The following FXYD6 variants were observed in gnomAD, a reference collection of about 807,000 sequenced individuals.
FXYD6 encodes the protein FXYD domain containing ion transport regulator 6, also known as FXYD domain-containing ion transport regulator 6.
FXYD6 carries 7 observed loss-of-function variants against 16.7 expected under a neutral mutation model. That is an observed-to-expected ratio of 0.42 (90% confidence interval 0.24 to 0.79). The LOEUF is 0.79. Ranked by LOEUF, FXYD6 falls within the 30% of genes least tolerant of loss-of-function variation. FXYD6 has a pLI of 0.28. For synonymous variants in FXYD6, 49 were observed against 43.0 expected, an observed-to-expected ratio of 1.14 and a Z score of -0.54; for missense variants, 111 against 116.2, an observed-to-expected ratio of 0.95 and a Z score of 0.21.
At chr11:117,860,219 C>G (rs2134184635) in intron 1 of FXYD6, among the ~76,000 whole-genome samples, 1 of 152,214 alleles carries the variant, frequency 6.6e-6, no homozygotes, top group Non-Finnish European at 1.5e-5. Flanking sequence ...CCCTTGGGCC[C>G]CACCTCACAG....
At chr11:117,873,609 C>T (rs763239715) in intron 1 of FXYD6, among the ~76,000 whole-genome samples, 1 of 152,218 alleles carries the variant, frequency 6.6e-6, no homozygotes, top group Non-Finnish European at 1.5e-5. Flanking sequence ...TGGTTTGCTT[C>T]CCTTAGGGTG....
chr11:117,865,538 A>G, intron 1 of FXYD6, among the ~76,000 whole-genome samples: 1 of 152,214 alleles, frequency 6.6e-6, no homozygotes, highest in Non-Finnish European at 1.5e-5. Flanking sequence ...CAACCTTAAA[A>G]AGGAAGGAAA....
chr11:117,867,991 CA>C (rs2057046357), intron 1 of FXYD6, among the ~76,000 whole-genome samples: 1 of 152,200 alleles, frequency 6.6e-6, no homozygotes, highest in Admixed American at 6.5e-5. Context: ...GATGTGCAGC[CA>C]AGGTTAATAA....
chr11:117,859,979 G>C (rs937832601), intron 1 of FXYD6, among the ~76,000 whole-genome samples: 1 of 152,120 alleles, frequency 6.6e-6, no homozygotes, highest in African/African-American at 2.4e-5. Context: ...TTGCTCCCCT[G>C]TGTGAGAGAG....
At chr11:117,856,995 A>G (rs1393229675) in intron 1 of FXYD6, among the ~76,000 whole-genome samples, 1 of 150,980 alleles carries the variant, frequency 6.6e-6, no homozygotes, top group Non-Finnish European at 1.5e-5. Flanking sequence ...AGGAAGGCTG[A>G]GCCCACCCCA....
chr11:117,872,018 C>T lies in FXYD6; in HGVS notation c.-6+4574G>A, dbSNP rs1196159592. Among the ~76,000 whole-genome samples the T allele has an allele frequency of 3.3e-5, 5 of 152,162 alleles. No homozygotes were observed. The highest frequency in any genetic ancestry group is 1.2e-4 in the African/African-American group (5 of 41,420). On this transcript the variant is annotated intron_variant, in intron 1 of 7. Coordinates refer to ENST00000526014, the MANE Select transcript of FXYD6 (RefSeq NM_022003.4). This position sits in a 1 kb window ranked among gnomAD's most constrained non-coding sequence, Gnocchi z 4.9. Reference sequence around the variant, plus strand: ...GCCAGGTCACGCTGAGCCTGGAGTGCCTACACCATGTACCTGTGCTTATTA... The same window carrying T: ...GCCAGGTCACGCTGAGCCTGGAGTGTCTACACCATGTACCTGTGCTTATTA...
chr11:117,859,067 C>T (rs969433536), intron 1 of FXYD6, among the ~76,000 whole-genome samples: 2 of 152,156 alleles, frequency 1.3e-5, no homozygotes, highest in African/African-American at 4.8e-5. Context: ...TGAGCCACCA[C>T]TCCCGGCCGA....
intron 7 of FXYD6, chr11:117,838,519 T>C: frequency 1.7e-6 from 1 of 578,862 alleles, no homozygotes; most frequent in East Asian, 2.9e-5. Context: ...TCCCCAGTGG[T>C]TGCTCACAGT....
chr11:117,862,987 C>T (rs1357051200), intron 1 of FXYD6, among the ~76,000 whole-genome samples: 4 of 152,184 alleles, frequency 2.6e-5, no homozygotes, highest in African/African-American at 9.7e-5. Context: ...TGATGTTATA[C>T]ACCAGTCATT....
chr11:117,855,788 G>T (rs1446471896), intron 1 of FXYD6, among the ~76,000 whole-genome samples: 1 of 152,216 alleles, frequency 6.6e-6, no homozygotes, highest in African/African-American at 2.4e-5. Flanking sequence ...TTGCCTGGGG[G>T]CCTGAGGACC....
chr11:117,874,632 T>A (rs1324189440), intron 1 of FXYD6, among the ~76,000 whole-genome samples: 5 of 152,220 alleles, frequency 3.3e-5, no homozygotes, highest in Non-Finnish European at 7.3e-5. Context: ...CTCTCCTTTG[T>A]TAGGGCTCAG....
rs1279806010 is a variant in FXYD6 at position 117,837,689 on chromosome 11, C to G, written c.*610G>C. The G allele has an allele frequency of 3.2e-5, 5 of 157,280 alleles. No individual in the cohort carries two copies. The highest frequency in any genetic ancestry group is 3.0e-4 in the Admixed American group (5 of 16,504). The allele number at this position is 157,280 out of a possible 1,614,324, so 9.7% of individuals were successfully genotyped here. A position where few individuals can be genotyped will look rare whatever the true frequency, so the allele number is the denominator to read the frequency against. On this transcript the variant is annotated 3_prime_UTR_variant, in exon 8 of 8. Coordinates refer to ENST00000526014, the MANE Select transcript of FXYD6 (RefSeq NM_022003.4). This position sits in a 1 kb window ranked among gnomAD's most constrained non-coding sequence, Gnocchi z 4.4. ...CTTTGTATCTCCAGTTGCTAAGAGA[C>G]CTTCAGACTGGGATCAGGTGGGATA...
chr11:117,858,510 C>T (rs548435934), intron 1 of FXYD6, among the ~76,000 whole-genome samples: 2 of 152,196 alleles, frequency 1.3e-5, no homozygotes, highest in East Asian at 3.9e-4. Flanking sequence ...GCCTCACACC[C>T]CCAACTTTGT....
At chr11:117,874,943 TC>T (rs2057223807) in intron 1 of FXYD6, among the ~76,000 whole-genome samples, 2 of 152,202 alleles carry the variant, frequency 1.3e-5, no homozygotes, top group Non-Finnish European at 2.9e-5. Flanking sequence ...CCCTCCACCT[TC>T]CTCTGCAGGG....
In FXYD6 at chr11:117,842,209, C is replaced by A. The variant is rs543180110; in HGVS notation, c.59-181G>T. 3.8e-5 allele frequency: 32 copies of A among 834,974 alleles called. No individual in the cohort carries two copies. In the East Asian group the frequency reaches 8.4e-4, roughly 22 times the overall value. The allele number at this position is 834,974 out of a possible 1,614,324, so 51.7% of individuals were successfully genotyped here. A position where few individuals can be genotyped will look rare whatever the true frequency, so the allele number is the denominator to read the frequency against. ...CTGCCAGTTAGGGGGTTAGGGGAACCCTAAGGGCCGAGGTCAGTGAAGGCA... is the reference window on the plus strand; with the variant it reads ...CTGCCAGTTAGGGGGTTAGGGGAACACTAAGGGCCGAGGTCAGTGAAGGCA... On this transcript the variant is annotated intron_variant, in intron 2 of 7. Coordinates refer to ENST00000526014, the MANE Select transcript of FXYD6 (RefSeq NM_022003.4).
chr11:117,867,037 A>G (rs760376275), intron 1 of FXYD6, among the ~76,000 whole-genome samples: 9 of 152,196 alleles, frequency 5.9e-5, no homozygotes, highest in Admixed American at 5.2e-4. Context: ...CAATCCTAAC[A>G]GTCATTTATA....
chr11:117,847,060 G>C (rs1030003525), intron 1 of FXYD6, among the ~76,000 whole-genome samples: 2 of 152,128 alleles, frequency 1.3e-5, no homozygotes, highest in Non-Finnish European at 2.9e-5. Flanking sequence ...TTCCATAAAT[G>C]CTTTCATACA....
chr11:117,846,357 C>T (rs2056466374), intron 1 of FXYD6, among the ~76,000 whole-genome samples: 1 of 152,172 alleles, frequency 6.6e-6, no homozygotes, highest in Admixed American at 6.5e-5. Flanking sequence ...CAGTTTGTGG[C>T]TTATTTTTTC....
At chr11:117,857,188 A>G (rs1418968122) in intron 1 of FXYD6, among the ~76,000 whole-genome samples, 1 of 152,186 alleles carries the variant, frequency 6.6e-6, no homozygotes, top group Non-Finnish European at 1.5e-5. Flanking sequence ...AATCATGTCT[A>G]GAATGGGTCT....
Sources: gnomAD v4.1 joint callset for allele counts (sites outside exome capture counted in the v4.1 genomes callset) on GRCh38, gnomAD v4.1.1 for gene constraint, Gnocchi (gnomAD v3.1) non-coding constraint, MANE v1.5 for transcripts, NCBI Gene and HGNC (gene_info 2026-07-23, HGNC 2026-07-21) for gene names.